Variants in SEPTIN11 observed in about 807,000 individuals in gnomAD.
SEPTIN11 encodes the protein septin 11.
A neutral mutation model predicts 51.4 loss-of-function variants in SEPTIN11; 25 were observed. The ratio of observed to expected loss-of-function variants is 0.49; its 90% confidence interval spans 0.35 to 0.68. SEPTIN11 has a LOEUF of 0.68. Ranked by LOEUF, SEPTIN11 falls within the 30% of genes least tolerant of loss-of-function variation. SEPTIN11 has a pLI of 0.00. For missense variants in SEPTIN11, 381 were observed against 520.8 expected (o/e 0.73, Z 2.61); for synonymous variants, 174 against 184.1 (o/e 0.95, Z 0.44).
chr4:77,004,194 GTCA>G (rs1366539997), intron 2 of SEPTIN11, among the ~76,000 whole-genome samples: 1 of 152,212 alleles, frequency 6.6e-6, no homozygotes, highest in Non-Finnish European at 1.5e-5. Context: ...ACATTTGGGT[GTCA>G]TCATGTGATT....
Position 77,000,712 on chromosome 4 carries a change from T to C in SEPTIN11, c.142+4173T>C, listed in dbSNP as rs187710017. On this transcript the variant is annotated intron_variant, in intron 2 of 9. Coordinates refer to ENST00000264893, the MANE Select transcript of SEPTIN11 (RefSeq NM_018243.4). ...CTCCATGGATTTTCAGAAAAGAGAT[T>C]TGGTGTATGTAGTGGTCTGGGTTCC... 1.6e-3 allele frequency among the ~76,000 whole-genome samples: 236 copies of C among 152,246 alleles called. 1 individual carries two copies. Among genetic ancestry groups the C allele is most frequent in the Non-Finnish European group, 2.0e-3 (138 of 68,012 alleles).
In SEPTIN11 at chr4:76,949,926, C is replaced by T. The variant is rs1721245147; in HGVS notation, c.23C>T (p.Pro8Leu). The T allele has an allele frequency of 2.0e-6, 3 of 1,523,240 alleles. No individual in the cohort carries two copies. The highest frequency in any genetic ancestry group is 2.6e-6 in the Non-Finnish European group (3 of 1,142,792). 94.4% of individuals were successfully genotyped at this position (1,523,240 alleles called of 1,614,324 possible). A position where few individuals can be genotyped will look rare whatever the true frequency, so the allele number is the denominator to read the frequency against. ...GCGATGGCCGTGGCCGTGGGGAGAC[C>T]GTCTGTGAGTGCTGGGGCCTCGCCT... MAVAVGR[P>L]SNEELRNLSL... The change falls in exon 1 of 10, where the codon CCG (proline) becomes CTG (leucine). Residue 8 changes from proline to leucine, a missense_variant. Around this residue, in one of 2 missense-constraint regions of SEPTIN11, gnomAD observed 184 missense variants for 207.7 expected, o/e 0.89. Transcript: ENST00000264893.
intron 2 of SEPTIN11, among the ~76,000 whole-genome samples, chr4:77,002,861 T>C (rs1560723470): frequency 6.6e-6 from 1 of 152,076 alleles, no homozygotes; most frequent in Non-Finnish European, 1.5e-5. Flanking sequence ...TGGAATGACA[T>C]TCAGGATGTT....
intron 1 of SEPTIN11, among the ~76,000 whole-genome samples, chr4:76,968,974 T>A (rs1177269013): frequency 6.6e-6 from 1 of 152,336 alleles, no homozygotes; most frequent in East Asian, 1.9e-4. Context: ...AGAGCATTTT[T>A]ATTGAGAAAT....
chr4:76,992,129 CA>C (rs1299337884), intron 1 of SEPTIN11, among the ~76,000 whole-genome samples: 2 of 152,142 alleles, frequency 1.3e-5, no homozygotes, highest in African/African-American at 4.8e-5. Context: ...ACTTTCTTTT[CA>C]AAAATGGTTA....
chr4:76,951,263 G>T (rs1007263042), intron 1 of SEPTIN11, among the ~76,000 whole-genome samples: 7 of 152,288 alleles, frequency 4.6e-5, no homozygotes, highest in African/African-American at 1.4e-4. Flanking sequence ...TCGGCTGCCC[G>T]CGGTGCTTTC....
intron 3 of SEPTIN11, among the ~76,000 whole-genome samples, chr4:77,010,574 G>T (rs1724790466): frequency 6.6e-6 from 1 of 151,164 alleles, no homozygotes; most frequent in Admixed American, 6.6e-5. Context: ...TTTCAGTTTT[G>T]CTCATAAGTT....
At chr4:77,017,447 A>T (rs974653512) in intron 5 of SEPTIN11, among the ~76,000 whole-genome samples, 3 of 152,238 alleles carry the variant, frequency 2.0e-5, no homozygotes, top group Non-Finnish European at 2.9e-5. Context: ...TTCCTTGGTC[A>T]TTACACCAAA....
chr4:76,980,475 G>A lies in SEPTIN11; in HGVS notation c.28-15950G>A, dbSNP rs374404601. ...CTGCCAAGCCTTGTTTCCTTATATC[G>A]GTGGCTGCAGCTGCCACATTGCGCT... On this transcript the variant is annotated intron_variant, in intron 1 of 9. Transcript: ENST00000264893. 4.1e-4 allele frequency among the ~76,000 whole-genome samples: 62 copies of A among 152,242 alleles called. No homozygotes were observed. The South Asian group carries it at 0.012, about 29-fold the overall frequency.
At chr4:76,983,884 T>C (rs1422404066) in intron 1 of SEPTIN11, among the ~76,000 whole-genome samples, 2 of 152,128 alleles carry the variant, frequency 1.3e-5, no homozygotes, top group African/African-American at 4.8e-5. Context: ...GGCAGGTGCC[T>C]GTAATCCCAG....
At chr4:76,998,686 C>T (rs75347337) in intron 2 of SEPTIN11, among the ~76,000 whole-genome samples, 2,095 of 152,236 alleles carry the variant, frequency 0.014, 41 homozygotes, top group African/African-American at 0.047. Context: ...AGGGGTTCAA[C>T]GAGCCCCATC....
At chr4:77,005,153 C>G (rs1346665120) in intron 2 of SEPTIN11, among the ~76,000 whole-genome samples, 1 of 152,080 alleles carries the variant, frequency 6.6e-6, no homozygotes, top group Non-Finnish European at 1.5e-5. Context: ...ATTAACTGAT[C>G]TTTTAGGTAA....
chr4:76,996,671 A>G, intron 2 of SEPTIN11, 132 bp downstream of exon 2: 1 of 659,574 alleles, frequency 1.5e-6, no homozygotes, highest in Non-Finnish European at 2.7e-6. Flanking sequence ...AACAAGGCAA[A>G]ATATCTGCCT....
At chr4:76,978,289 C>T (rs150253620) in intron 1 of SEPTIN11, among the ~76,000 whole-genome samples, 114 of 152,256 alleles carry the variant, frequency 7.5e-4, no homozygotes, top group African/African-American at 2.5e-3. Flanking sequence ...GTAGCTCCCA[C>T]GTTGCTTTCC....
chr4:77,037,935 C>A lies in SEPTIN11; in HGVS notation c.*3423C>A, dbSNP rs1157440499. On this transcript the variant is annotated 3_prime_UTR_variant, in exon 10 of 10. Transcript: ENST00000264893. ...CACACAATCCACATCTTGTGCACCT[C>A]AAATGAACAGACTTGGTTTCCTTGC... 4 of 985,914 alleles carry A rather than the reference C, an allele frequency of 4.1e-6. No homozygotes were observed. In the African/African-American group the frequency reaches 5.2e-5, roughly 13 times the overall value. 61.1% of individuals were successfully genotyped at this position (985,914 alleles called of 1,614,324 possible). A position where few individuals can be genotyped will look rare whatever the true frequency, so the allele number is the denominator to read the frequency against.
chr4:76,983,507 T>A (rs1366436474), intron 1 of SEPTIN11, among the ~76,000 whole-genome samples: 1 of 152,190 alleles, frequency 6.6e-6, no homozygotes, highest in Non-Finnish European at 1.5e-5. Context: ...TTCAGCCGTG[T>A]GATAACCCAG....
intron 1 of SEPTIN11, among the ~76,000 whole-genome samples, chr4:76,982,103 A>G (rs1722799819): frequency 1.3e-5 from 2 of 152,120 alleles, no homozygotes; most frequent in African/African-American, 2.4e-5. Flanking sequence ...TTCCTAGTTC[A>G]TTGATTTCCC....
rs61693678 is a variant in SEPTIN11 at position 77,023,269 on chromosome 4, TACAC to T, written c.953+2629_953+2632del. Among the ~76,000 whole-genome samples the T allele has an allele frequency of 3.6e-3, 504 of 139,250 alleles. 3 individuals carry two copies. The highest frequency in any genetic ancestry group is 0.012 in the African/African-American group (444 of 37,840). 91.4% of individuals were successfully genotyped at this position (139,250 alleles called of 152,430 possible). ...TTTGATGATGAAAAGGGAAAATGTATACACACACACACACACACACACACACACA... is the reference window on the plus strand; with the variant it reads ...TTTGATGATGAAAAGGGAAAATGTATACACACACACACACACACACACACA... On this transcript the variant is annotated intron_variant, in intron 7 of 9. Coordinates refer to ENST00000264893, the MANE Select transcript of SEPTIN11 (RefSeq NM_018243.4).
chr4:77,033,890 G>A (rs1455623060), intron 9 of SEPTIN11, among the ~76,000 whole-genome samples: 2 of 152,134 alleles, frequency 1.3e-5, no homozygotes, highest in African/African-American at 2.4e-5. Context: ...CACGTGGACC[G>A]TGGGTTTGGC....
Sources: gnomAD v4.1 joint callset for allele counts (sites outside exome capture counted in the v4.1 genomes callset) on GRCh38, gnomAD v4.1.1 for gene constraint, gnomAD v4.1.1 regional missense constraint, MANE v1.5 for transcripts, NCBI Gene and HGNC (gene_info 2026-07-23, HGNC 2026-07-21) for gene names.